Variants in KHDRBS2 observed in about 807,000 individuals in gnomAD.
The protein encoded by KHDRBS2 is KH RNA binding domain containing, signal transduction associated 2.
A neutral mutation model predicts 44.3 loss-of-function variants in KHDRBS2; 26 were observed. That is an observed-to-expected ratio of 0.59 (90% confidence interval 0.43 to 0.81). The LOEUF (loss-of-function observed/expected upper bound fraction) is 0.81. KHDRBS2 is among the 40% of genes least tolerant of loss of function. The probability of loss-of-function intolerance (pLI) is 0.00; values close to 1 mark genes in which losing one functional copy is unlikely to be tolerated. For synonymous variants in KHDRBS2, 194 were observed against 151.1 expected (o/e 1.28, Z -2.08); for missense variants, 476 against 433.1 (o/e 1.10, Z -0.88).
the KHDRBS2 span, among the ~76,000 whole-genome samples, chr6:61,558,220 T>C: frequency 1.3e-5 from 2 of 152,170 alleles, no homozygotes; most frequent in Admixed American, 6.5e-5. Context: ...AATCATTATG[T>C]TGTTTATTTG....
At chr6:61,736,895 T>A (rs746925695) in intron 6 of KHDRBS2, among the ~76,000 whole-genome samples, 1 of 152,130 alleles carries the variant, frequency 6.6e-6, no homozygotes, top group Non-Finnish European at 1.5e-5. Flanking sequence ...TCTTTTTCTA[T>A]AATTTTCTCT....
At chr6:61,668,425 C>T in the KHDRBS2 span, among the ~76,000 whole-genome samples, 1 of 150,960 alleles carries the variant, frequency 6.6e-6, no homozygotes, top group Admixed American at 6.6e-5. Context: ...AAAGAAAAAT[C>T]TGCTGGTGGA....
intron 2 of KHDRBS2, among the ~76,000 whole-genome samples, chr6:62,069,610 A>G (rs779445368): frequency 4.3e-4 from 66 of 151,752 alleles, no homozygotes; most frequent in Non-Finnish European, 8.1e-4. Context: ...ATCACTTTCC[A>G]CTGGAATATG....
chr6:61,612,117 A>G, the KHDRBS2 span, among the ~76,000 whole-genome samples: 3 of 141,374 alleles, frequency 2.1e-5, no homozygotes, highest in Non-Finnish European at 4.6e-5. Context: ...AATCTTTAAA[A>G]TATCCTGAAA....
intron 2 of KHDRBS2, among the ~76,000 whole-genome samples, chr6:62,057,027 G>A (rs1010912322): frequency 1.3e-5 from 2 of 151,890 alleles, no homozygotes; most frequent in Admixed American, 6.6e-5. Context: ...AATAGAACAC[G>A]AAGAGCCAGT....
chr6:61,723,550 AAAAC>A (rs199689641), intron 7 of KHDRBS2, among the ~76,000 whole-genome samples: 156 of 152,088 alleles, frequency 1.0e-3, no homozygotes, highest in Middle Eastern at 3.4e-3. Context: ...CTCCATCTCA[AAAAC>A]AAACAAACAA....
the KHDRBS2 span, among the ~76,000 whole-genome samples, chr6:61,550,697 A>G: frequency 6.6e-6 from 1 of 151,346 alleles, no homozygotes; most frequent in Non-Finnish European, 1.5e-5. Context: ...CCTTTTCTAT[A>G]CAACCCCTCC....
chr6:61,570,236 T>C, the KHDRBS2 span, among the ~76,000 whole-genome samples: 1 of 152,148 alleles, frequency 6.6e-6, no homozygotes, highest in East Asian at 1.9e-4. Context: ...CAATCACAAC[T>C]TCCAGAAATG....
At chr6:61,570,451 T>C in the KHDRBS2 span, among the ~76,000 whole-genome samples, 1 of 152,006 alleles carries the variant, frequency 6.6e-6, no homozygotes, top group Non-Finnish European at 1.5e-5. Flanking sequence ...ATAACTGTTG[T>C]TCCTGAAAAA....
chr6:62,168,420 C>T (rs1819148478), intron 2 of KHDRBS2, among the ~76,000 whole-genome samples: 1 of 152,102 alleles, frequency 6.6e-6, no homozygotes, highest in South Asian at 2.1e-4. Flanking sequence ...ACAGGTACAC[C>T]AGCAAGCAAC....
chr6:61,611,567 G>A, the KHDRBS2 span, among the ~76,000 whole-genome samples: 1 of 152,068 alleles, frequency 6.6e-6, no homozygotes, highest in African/African-American at 2.4e-5. Flanking sequence ...ATTAGAAGTA[G>A]CAATCTAATG....
chr6:61,644,888 A>G, the KHDRBS2 span, among the ~76,000 whole-genome samples: 1 of 152,192 alleles, frequency 6.6e-6, no homozygotes, highest in Admixed American at 6.5e-5. Context: ...CCACTGTGGA[A>G]AGCAGTGAAG....
chr6:61,976,133 G>C (rs1215006437), intron 4 of KHDRBS2, among the ~76,000 whole-genome samples: 1 of 152,142 alleles, frequency 6.6e-6, no homozygotes, highest in East Asian at 1.9e-4. Context: ...CATCTTGACT[G>C]TGGGGTATTA....
At chr6:62,011,773 T>C (rs1431706335) in intron 3 of KHDRBS2, among the ~76,000 whole-genome samples, 9 of 152,188 alleles carry the variant, frequency 5.9e-5, no homozygotes, top group Non-Finnish European at 1.3e-4. Context: ...TGACACATAC[T>C]AAGTGCTCAA....
chr6:62,177,131 T>G (rs1259747246), intron 2 of KHDRBS2, 54 bp downstream of exon 2: 36 of 1,058,002 alleles, frequency 3.4e-5, no homozygotes, highest in African/African-American at 1.3e-4. Context: ...AAATACCGTC[T>G]TCTTTTATCA....
intron 6 of KHDRBS2, among the ~76,000 whole-genome samples, chr6:61,766,359 T>C (rs780801981): frequency 1.8e-4 from 28 of 152,072 alleles, no homozygotes; most frequent in Non-Finnish European, 4.0e-4. Flanking sequence ...TATTTGGGTC[T>C]TCTCTCTTTT....
intron 2 of KHDRBS2, among the ~76,000 whole-genome samples, chr6:62,103,583 G>T (rs1802419964): frequency 7.1e-6 from 1 of 141,614 alleles, no homozygotes. Flanking sequence ...AGGATGTCTG[G>T]TCTGGGTCCA....
At chr6:62,094,292 T>G (rs539752061) in intron 2 of KHDRBS2, among the ~76,000 whole-genome samples, 1 of 152,054 alleles carries the variant, frequency 6.6e-6, no homozygotes, top group African/African-American at 2.4e-5. Context: ...TGATTAATAA[T>G]GTTGAGCATT....
At chr6:61,580,173 C>T in the KHDRBS2 span, among the ~76,000 whole-genome samples, 1 of 152,180 alleles carries the variant, frequency 6.6e-6, no homozygotes, top group Non-Finnish European at 1.5e-5. Context: ...ACTTTGACAA[C>T]TAATCACTTT....
Sources: allele counts gnomAD v4.1 joint callset (sites outside exome capture counted in the v4.1 genomes callset), GRCh38; gene constraint gnomAD v4.1.1; transcripts MANE v1.5; gene names NCBI Gene and HGNC (gene_info 2026-07-23, HGNC 2026-07-21).